The following EXOC6B variants were observed in gnomAD, a reference collection of about 807,000 sequenced individuals.
EXOC6B encodes SEC15 homolog B.
A neutral mutation model predicts 113.5 loss-of-function variants in EXOC6B; 54 were observed. The ratio of observed to expected loss-of-function variants is 0.48; its 90% CI spans 0.38 to 0.60. EXOC6B has a LOEUF of 0.60. Among genes scored for constraint, EXOC6B ranks in the 20% least tolerant of loss-of-function variants. EXOC6B has a pLI of 0.00. For synonymous variants in EXOC6B, 357 were observed against 339.0 expected, an observed-to-expected ratio of 1.05 and a Z score of -0.58; for missense variants, 797 against 977.5, an observed-to-expected ratio of 0.82 and a Z score of 2.46.
At position 72,352,817 on chromosome 2, in the gene EXOC6B, G is replaced by C. The variant is rs141299463; in HGVS notation, c.2123-17797C>G. Among the ~76,000 whole-genome samples, 830 of 151,220 alleles carry C rather than the reference G, an allele frequency of 5.5e-3. 7 individuals carry two copies. Among genetic ancestry groups the C allele is most frequent in the African/African-American group, 0.02 (802 of 41,042 alleles). On this transcript the variant is annotated intron_variant, in intron 19 of 21. Transcript: ENST00000272427. ...TGTTATGGGAACTTCTTGTAGACCT[G>C]TGTAGAAATCTGTCAACTTGCAACA... is the stretch of plus-strand genomic sequence containing the variant.
At chr2:72,738,311 C>T (rs574076807) in intron 2 of EXOC6B, among the ~76,000 whole-genome samples, 1 of 152,140 alleles carries the variant, frequency 6.6e-6, no homozygotes, top group African/African-American at 2.4e-5. Context: ...CTAGAACTAC[C>T]AACTACTGAG....
chr2:72,498,925 C>T (rs866129080), intron 12 of EXOC6B, among the ~76,000 whole-genome samples: 21 of 152,224 alleles, frequency 1.4e-4, no homozygotes, highest in Middle Eastern at 3.4e-3. Context: ...ACTTCTAATG[C>T]TATTCTATTA....
chr2:72,395,478 A>T (rs1692668755), intron 18 of EXOC6B, among the ~76,000 whole-genome samples: 2 of 152,132 alleles, frequency 1.3e-5, no homozygotes, highest in African/African-American at 4.8e-5. Flanking sequence ...TCTGCCAATA[A>T]CAAATGCTTC....
chr2:72,298,082 G>A (rs1013685856), intron 20 of EXOC6B, among the ~76,000 whole-genome samples: 93 of 152,166 alleles, frequency 6.1e-4, no homozygotes, highest in African/African-American at 2.2e-3. Context: ...AATACTGACA[G>A]TGGGGTGTTA....
intron 1 of EXOC6B, among the ~76,000 whole-genome samples, chr2:72,747,584 C>T (rs539747592): frequency 1.3e-5 from 2 of 152,090 alleles, no homozygotes; most frequent in East Asian, 3.9e-4. Flanking sequence ...AGCCACTTTC[C>T]CTTGATATTC....
At chr2:72,209,235 AAAAAAAAAAAAAG>A (rs1227433520) in intron 20 of EXOC6B, among the ~76,000 whole-genome samples, 7 of 142,438 alleles carry the variant, frequency 4.9e-5, no homozygotes, top group African/African-American at 1.0e-4. Flanking sequence ...AAAAAAAAAA[AAAAAAAAAAAAAG>A]AAAAGAAAAG....
At chr2:72,496,413 G>A (rs1339213046) in intron 14 of EXOC6B, 41 bp downstream of exon 14, 3 of 1,267,102 alleles carry the variant, frequency 2.4e-6, no homozygotes, top group South Asian at 2.5e-5. Context: ...TTAAGAGGAT[G>A]CCAAAACAAC....
At chr2:72,717,848 A>G (rs1679725356) in intron 6 of EXOC6B, among the ~76,000 whole-genome samples, 1 of 152,238 alleles carries the variant, frequency 6.6e-6, no homozygotes, top group Admixed American at 6.5e-5. Context: ...AACAGTAGAA[A>G]AATTTCTTCA....
chr2:72,645,659 A>G (rs979250047), intron 6 of EXOC6B, among the ~76,000 whole-genome samples: 4 of 152,218 alleles, frequency 2.6e-5, no homozygotes, highest in African/African-American at 9.6e-5. Context: ...GCACAACTAC[A>G]TGGAAACTGA....
Position 72,822,486 on chromosome 2 carries a change from G to T in EXOC6B, c.113+3312C>A, listed in dbSNP as rs543333162. Among the ~76,000 whole-genome samples the T allele has an allele frequency of 2.0e-5, 3 of 152,090 alleles. No individual in the cohort carries two copies. In the South Asian group the frequency reaches 6.2e-4, roughly 32 times the overall value. ...ATTGCATGTACAGCTCAAAACTAAA[G>T]TAATAACAGTAATATAATGAAAAAG... On this transcript the variant is annotated intron_variant, in intron 1 of 21. Transcript: ENST00000272427.
At chr2:72,373,906 G>A (rs1197645099) in intron 19 of EXOC6B, among the ~76,000 whole-genome samples, 3 of 152,172 alleles carry the variant, frequency 2.0e-5, no homozygotes, top group East Asian at 3.9e-4. Flanking sequence ...GGTGGATCAC[G>A]GGTCTGGAGT....
At chr2:72,411,075 G>A (rs1275032904) in intron 18 of EXOC6B, among the ~76,000 whole-genome samples, 1 of 152,112 alleles carries the variant, frequency 6.6e-6, no homozygotes, top group East Asian at 1.9e-4. Flanking sequence ...TGGGTATGGT[G>A]GTGCACGCCT....
chr2:72,435,710 C>T lies in EXOC6B; in HGVS notation c.1980+29450G>A, dbSNP rs531633638. ...TTTATCGGAGACTAGGATTGCATCCCCTGCTTTTTTTTTGTTTTTTTTTTG... is the reference window on the plus strand; with the variant it reads ...TTTATCGGAGACTAGGATTGCATCCTCTGCTTTTTTTTTGTTTTTTTTTTG... On this transcript the variant is annotated intron_variant, in intron 18 of 21. Coordinates refer to ENST00000272427, the MANE Select transcript of EXOC6B (RefSeq NM_015189.3). 1.6e-4 allele frequency among the ~76,000 whole-genome samples: 24 copies of T among 149,010 alleles called. No homozygotes were observed. The South Asian group carries it at 4.2e-3, about 26-fold the overall frequency.
chr2:72,424,060 T>G (rs1004439146), intron 18 of EXOC6B, among the ~76,000 whole-genome samples: 1 of 152,174 alleles, frequency 6.6e-6, no homozygotes, highest in African/African-American at 2.4e-5. Flanking sequence ...TTTTGTCTTT[T>G]CTATGTCAGG....
chr2:72,657,770 G>C (rs1450166178), intron 6 of EXOC6B, among the ~76,000 whole-genome samples: 1 of 150,294 alleles, frequency 6.7e-6, no homozygotes, highest in South Asian at 2.1e-4. Context: ...ATTCACATAA[G>C]AGAAAAATAA....
chr2:72,494,853 C>T lies in EXOC6B; in HGVS notation c.1553+577G>A, dbSNP rs141841772. 3.2e-3 allele frequency among the ~76,000 whole-genome samples: 490 copies of T among 152,150 alleles called. 2 individuals are homozygous for T. The highest frequency in any genetic ancestry group is 6.4e-3 in the African/African-American group (267 of 41,518). On this transcript the variant is annotated intron_variant, in intron 15 of 21. Transcript: ENST00000272427. ...CAAATAATACATTAGCCAAAATCTA[C>T]GGTGAATAAACCAATACATGAATAA...
intron 20 of EXOC6B, among the ~76,000 whole-genome samples, chr2:72,228,686 T>A (rs1321086134): frequency 1.3e-5 from 2 of 152,338 alleles, no homozygotes; most frequent in East Asian, 3.9e-4. Context: ...TTGGCTTGGT[T>A]CCAAGTCTTT....
chr2:72,602,210 G>A (rs1289423265), intron 6 of EXOC6B, among the ~76,000 whole-genome samples: 1 of 152,140 alleles, frequency 6.6e-6, no homozygotes, highest in East Asian at 1.9e-4. Context: ...CTTAAGAGAT[G>A]ATCATAAGAA....
At chr2:72,782,177 T>C (rs1684089466) in intron 1 of EXOC6B, among the ~76,000 whole-genome samples, 1 of 150,986 alleles carries the variant, frequency 6.6e-6, no homozygotes, top group Non-Finnish European at 1.5e-5. Flanking sequence ...AAAAGAAATA[T>C]TGAGTATATC....
Sources: allele counts gnomAD v4.1 joint callset (sites outside exome capture counted in the v4.1 genomes callset), GRCh38; gene constraint gnomAD v4.1.1; transcripts MANE v1.5; gene names NCBI Gene and HGNC (gene_info 2026-07-23, HGNC 2026-07-21).